Variants in DGKB observed in about 807,000 individuals in gnomAD.
DGKB encodes 90 kDa diacylglycerol kinase.
In DGKB, 67 loss-of-function variants were observed where a neutral mutation model predicts 114.3. The ratio of observed to expected loss-of-function variants is 0.59; its 90% confidence interval spans 0.48 to 0.72. The LOEUF (loss-of-function observed/expected upper bound fraction) is 0.72. DGKB is among the 30% of genes least tolerant of loss of function. The probability of loss-of-function intolerance (pLI) is 0.00; values close to 1 mark genes in which losing one functional copy is unlikely to be tolerated. For missense variants in DGKB, 907 were observed against 975.2 expected, an observed-to-expected ratio of 0.93 and a Z score of 0.93; for synonymous variants, 398 against 323.1, an observed-to-expected ratio of 1.23 and a Z score of -2.49.
chr7:14,572,258 C>T (rs778835769), intron 20 of DGKB, among the ~76,000 whole-genome samples: 49 of 150,854 alleles, frequency 3.2e-4, no homozygotes, highest in Non-Finnish European at 4.4e-4. Context: ...TCCAGACCAT[C>T]CTGGCTAACC....
chr7:14,358,365 T>C (rs1815001916), intron 21 of DGKB, among the ~76,000 whole-genome samples: 1 of 152,168 alleles, frequency 6.6e-6, no homozygotes, highest in Non-Finnish European at 1.5e-5. Flanking sequence ...TACCCTTTCT[T>C]CCACTTGATC....
At chr7:14,890,397 G>T (rs1168555827) in intron 1 of DGKB, among the ~76,000 whole-genome samples, 1 of 151,370 alleles carries the variant, frequency 6.6e-6, no homozygotes, top group African/African-American at 2.4e-5. Context: ...GCTACAGTTT[G>T]CTATAAATCA....
chr7:14,227,171 T>A (rs1181077766), intron 23 of DGKB, among the ~76,000 whole-genome samples: 1 of 152,112 alleles, frequency 6.6e-6, no homozygotes, highest in Non-Finnish European at 1.5e-5. Context: ...CCTTGGTTCA[T>A]TCTACCTTGG....
intron 3 of DGKB, among the ~76,000 whole-genome samples, chr7:14,757,376 C>T (rs924278724): frequency 1.1e-4 from 17 of 151,924 alleles, no homozygotes; most frequent in South Asian, 4.2e-4. Flanking sequence ...GTTATTTGAA[C>T]GAAAAATGTA....
chr7:14,685,129 T>C, intron 10 of DGKB, 116 bp downstream of exon 10: 2 of 577,160 alleles, frequency 3.5e-6, no homozygotes. Flanking sequence ...ATAAATCACA[T>C]GTACAGAGAC....
At chr7:14,254,007 T>C (rs1035116253) in intron 23 of DGKB, among the ~76,000 whole-genome samples, 1 of 152,242 alleles carries the variant, frequency 6.6e-6, no homozygotes, top group Admixed American at 6.5e-5. Context: ...TTAAGCTGTT[T>C]AGACTCAATA....
At chr7:14,465,920 A>G (rs1410902143) in intron 21 of DGKB, among the ~76,000 whole-genome samples, 1 of 151,830 alleles carries the variant, frequency 6.6e-6, no homozygotes, top group Non-Finnish European at 1.5e-5. Context: ...GGTGTACACA[A>G]TTATTGAGAC....
At chr7:14,727,991 G>T (rs761457398) in intron 5 of DGKB, among the ~76,000 whole-genome samples, 35 of 152,148 alleles carry the variant, frequency 2.3e-4, no homozygotes, top group Non-Finnish European at 3.5e-4. Context: ...GTTCTTAATT[G>T]ATTAACTTCC....
intron 6 of DGKB, among the ~76,000 whole-genome samples, chr7:14,709,804 T>A (rs1297841605): frequency 9.3e-6 from 1 of 108,058 alleles, no homozygotes; most frequent in African/African-American, 3.7e-5. Context: ...TATCACACTC[T>A]GGGGACTGTG....
At chr7:14,762,125 G>A (rs1347744761) in intron 2 of DGKB, among the ~76,000 whole-genome samples, 1 of 152,118 alleles carries the variant, frequency 6.6e-6, no homozygotes, top group Non-Finnish European at 1.5e-5. Flanking sequence ...GAGACAATGG[G>A]CTGTCTTTTT....
chr7:14,572,407 G>A (rs1462643902), intron 20 of DGKB, among the ~76,000 whole-genome samples: 11 of 151,088 alleles, frequency 7.3e-5, no homozygotes, highest in African/African-American at 1.2e-4. Context: ...AGCCGAGATC[G>A]TGCCACTGCA....
chr7:14,794,384 A>C (rs2128028463), intron 2 of DGKB, among the ~76,000 whole-genome samples: 1 of 152,294 alleles, frequency 6.6e-6, no homozygotes, highest in South Asian at 2.1e-4. Flanking sequence ...GGATACTCCT[A>C]ATCAACTACT....
intron 1 of DGKB, among the ~76,000 whole-genome samples, chr7:14,843,630 A>G (rs1332879932): frequency 2.0e-5 from 3 of 152,140 alleles, no homozygotes; most frequent in African/African-American, 4.8e-5. Context: ...CACCGCGCCC[A>G]GCCAATAACT....
At chr7:14,896,873 T>G (rs182118137) in intron 1 of DGKB, among the ~76,000 whole-genome samples, 7 of 151,850 alleles carry the variant, frequency 4.6e-5, no homozygotes, top group Non-Finnish European at 1.0e-4. Context: ...AAATTATATA[T>G]AGAGTTGACT....
At chr7:14,514,725 C>A (rs1788503732) in intron 20 of DGKB, among the ~76,000 whole-genome samples, 1 of 151,984 alleles carries the variant, frequency 6.6e-6, no homozygotes, top group South Asian at 2.1e-4. Flanking sequence ...ATTGTTTCAA[C>A]AACCTTATGA....
intron 21 of DGKB, among the ~76,000 whole-genome samples, chr7:14,362,957 A>G (rs767361917): frequency 2.6e-5 from 4 of 152,064 alleles, no homozygotes; most frequent in Admixed American, 2.0e-4. Flanking sequence ...CTCATGGAAC[A>G]TTACAGAAGT....
intron 13 of DGKB, among the ~76,000 whole-genome samples, chr7:14,669,180 C>T (rs1015232051): frequency 1.4e-4 from 22 of 152,132 alleles, no homozygotes; most frequent in Non-Finnish European, 2.9e-4. Flanking sequence ...GCCATTGTTG[C>T]CCCTCAACAC....
intron 20 of DGKB, among the ~76,000 whole-genome samples, chr7:14,498,214 A>T (rs561093811): frequency 1.1e-4 from 17 of 151,958 alleles, no homozygotes; most frequent in Middle Eastern, 6.8e-3. Context: ...CACCTTACAC[A>T]TTCTCCTTAA....
At chr7:14,280,350 T>C (rs1449762713) in intron 23 of DGKB, among the ~76,000 whole-genome samples, 2 of 151,952 alleles carry the variant, frequency 1.3e-5, no homozygotes, top group South Asian at 2.1e-4. Context: ...CCAAGAAATA[T>C]GGGACTATGT....
Sources: gnomAD v4.1 joint callset for allele counts (sites outside exome capture counted in the v4.1 genomes callset) on GRCh38, gnomAD v4.1.1 for gene constraint, MANE v1.5 for transcripts, NCBI Gene and HGNC (gene_info 2026-07-23, HGNC 2026-07-21) for gene names.